VWA8: variants seen among roughly 807,000 people sequenced by gnomAD.
VWA8 encodes von Willebrand factor A domain-containing protein 8.
VWA8 carries 221 observed loss-of-function variants against 241.5 expected under a neutral mutation model. That is an observed-to-expected ratio of 0.91 (90% confidence interval 0.82 to 1.02). The LOEUF (loss-of-function observed/expected upper bound fraction) is 1.02. VWA8 is among the 50% of genes least tolerant of loss of function. VWA8 has a pLI of 0.00. For missense variants in VWA8, 2,322 were observed against 2,328.7 expected, an observed-to-expected ratio of 1.00 and a Z score of 0.06; for synonymous variants, 852 against 827.1, an observed-to-expected ratio of 1.03 and a Z score of -0.52.
intron 2 of VWA8, among the ~76,000 whole-genome samples, chr13:41,937,375 G>C (rs894502356): frequency 2.0e-5 from 3 of 152,190 alleles, no homozygotes; most frequent in Admixed American, 6.5e-5. Flanking sequence ...AGTCCCATCT[G>C]GGGGTGATGG....
intron 44 of VWA8, 34 bp downstream of exon 44, chr13:41,570,434 C>T (rs779560174): frequency 6.3e-7 from 1 of 1,579,052 alleles, no homozygotes; most frequent in Non-Finnish European, 8.7e-7. Context: ...TATCTCTGTA[C>T]CTGCCCTTTT....
At chr13:41,637,395 A>C (rs2044765686) in intron 37 of VWA8, among the ~76,000 whole-genome samples, 1 of 123,020 alleles carries the variant, frequency 8.1e-6, no homozygotes, top group Non-Finnish European at 1.6e-5. Flanking sequence ...GGGGAACATC[A>C]CACTCTGGGG....
At chr13:41,959,025 C>T (rs748943859) in intron 1 of VWA8, among the ~76,000 whole-genome samples, 20 of 152,186 alleles carry the variant, frequency 1.3e-4, no homozygotes, top group African/African-American at 1.4e-4. Context: ...TCAATTCACT[C>T]GGCTAAATCT....
chr13:41,923,955 A>T (rs4620863), intron 2 of VWA8, among the ~76,000 whole-genome samples: 141 of 152,130 alleles, frequency 9.3e-4, no homozygotes, highest in African/African-American at 3.4e-3. Context: ...AATGCACAGA[A>T]ATCAGCATCA....
At chr13:41,942,063 C>A (rs554096607) in intron 2 of VWA8, among the ~76,000 whole-genome samples, 1 of 152,240 alleles carries the variant, frequency 6.6e-6, no homozygotes, top group Non-Finnish European at 1.5e-5. Context: ...GAAAAGTGCC[C>A]TTTTCCCCCC....
chr13:41,826,149 A>C (rs1871161437), intron 14 of VWA8, among the ~76,000 whole-genome samples: 1 of 152,224 alleles, frequency 6.6e-6, no homozygotes, highest in Admixed American at 6.5e-5. Flanking sequence ...AGGTAAAAAA[A>C]TTTACCAACA....
At chr13:41,691,188 T>C (rs2137817191) in intron 32 of VWA8, 132 bp downstream of exon 32, 4 of 1,138,210 alleles carry the variant, frequency 3.5e-6, no homozygotes, top group Non-Finnish European at 4.8e-6. Flanking sequence ...GTCTCATATA[T>C]AGAGATGCTG....
At chr13:41,642,944 A>G (rs1428951936) in intron 37 of VWA8, among the ~76,000 whole-genome samples, 4 of 152,186 alleles carry the variant, frequency 2.6e-5, no homozygotes, top group Non-Finnish European at 4.4e-5. Context: ...AAAAAGTCCA[A>G]ACTTTTGAAT....
rs376206659 is a variant in VWA8 at position 41,572,121 on chromosome 13, G to A, written c.5371-1415C>T. Among the ~76,000 whole-genome samples the A allele has an allele frequency of 2.9e-4, 44 of 150,512 alleles. No homozygotes were observed. The East Asian group carries it at 4.3e-3, about 15-fold the overall frequency. ...GAGCCCCTCCGCCCGGCAGCTGCCCGTCTGCGAAGTGAGGAGCCCCTCCGC... is the reference window on the plus strand; with the variant it reads ...GAGCCCCTCCGCCCGGCAGCTGCCCATCTGCGAAGTGAGGAGCCCCTCCGC... On this transcript the variant is annotated intron_variant, in intron 43 of 44. Transcript: ENST00000379310.
chr13:41,956,162 T>C (rs1188381060), intron 1 of VWA8, among the ~76,000 whole-genome samples: 2 of 152,236 alleles, frequency 1.3e-5, no homozygotes, highest in African/African-American at 2.4e-5. Context: ...TGTGAGGGGC[T>C]GTCCTGTGTG....
At chr13:41,914,437 A>G (rs1876158793) in intron 2 of VWA8, among the ~76,000 whole-genome samples, 1 of 152,162 alleles carries the variant, frequency 6.6e-6, no homozygotes, top group South Asian at 2.1e-4. Flanking sequence ...ATGCCCTTTT[A>G]CCTATTTTCT....
chr13:41,898,527 C>G (rs1025272746), intron 4 of VWA8, among the ~76,000 whole-genome samples: 1 of 152,246 alleles, frequency 6.6e-6, no homozygotes, highest in Non-Finnish European at 1.5e-5. Context: ...CCCAGTGGAT[C>G]CCGCACCAGG....
intron 40 of VWA8, among the ~76,000 whole-genome samples, chr13:41,593,947 G>A (rs1291722800): frequency 6.6e-6 from 1 of 152,036 alleles, no homozygotes; most frequent in Non-Finnish European, 1.5e-5. Flanking sequence ...ATTGGCCATG[G>A]CACTGTCATC....
At chr13:41,957,494 T>G (rs1402518890) in intron 1 of VWA8, among the ~76,000 whole-genome samples, 1 of 152,132 alleles carries the variant, frequency 6.6e-6, no homozygotes, top group Non-Finnish European at 1.5e-5. Flanking sequence ...TAGTCCCAGC[T>G]ACTTGGGAGG....
At chr13:41,792,096 G>C (rs1869485127) in intron 17 of VWA8, among the ~76,000 whole-genome samples, 1 of 151,810 alleles carries the variant, frequency 6.6e-6, no homozygotes, top group Non-Finnish European at 1.5e-5. Flanking sequence ...TATTAATGAG[G>C]CTGAGCATGT....
chr13:41,749,971 T>C (rs546649311), intron 21 of VWA8, among the ~76,000 whole-genome samples: 1 of 152,128 alleles, frequency 6.6e-6, no homozygotes, highest in East Asian at 1.9e-4. Flanking sequence ...CATGTATACA[T>C]ATGTAACAAA....
chr13:41,697,058 T>C (rs1379441037), intron 29 of VWA8, among the ~76,000 whole-genome samples: 3 of 152,220 alleles, frequency 2.0e-5, no homozygotes, highest in Non-Finnish European at 4.4e-5. Context: ...TCAAACTGAA[T>C]CTAATATCAT....
chr13:41,581,730 G>A (rs2044384742), intron 42 of VWA8, among the ~76,000 whole-genome samples: 1 of 151,698 alleles, frequency 6.6e-6, no homozygotes, highest in Non-Finnish European at 1.5e-5. Flanking sequence ...TCTGAATAAT[G>A]AAATAAATCT....
At chr13:41,764,761 T>G (rs969784249) in intron 20 of VWA8, among the ~76,000 whole-genome samples, 4 of 151,886 alleles carry the variant, frequency 2.6e-5, no homozygotes, top group Admixed American at 2.6e-4. Flanking sequence ...GAAACCAGGC[T>G]AGAAAGGTAG....
Sources: gnomAD v4.1 joint callset for allele counts (sites outside exome capture counted in the v4.1 genomes callset) on GRCh38, gnomAD v4.1.1 for gene constraint, MANE v1.5 for transcripts, NCBI Gene and HGNC (gene_info 2026-07-23, HGNC 2026-07-21) for gene names.